The following COL3A1 variants were observed in gnomAD, a reference collection of about 807,000 sequenced individuals.
The protein encoded by COL3A1 is collagen alpha-1(III) chain.
Under a neutral mutation model 200.9 loss-of-function variants are expected in COL3A1, and 46 were observed. The ratio of observed to expected loss-of-function variants is 0.23; its 90% confidence interval spans 0.18 to 0.29. COL3A1 has a LOEUF of 0.29. COL3A1 is among the 10% of genes least tolerant of loss of function. COL3A1 has a pLI of 1.00. For synonymous variants in COL3A1, 650 were observed against 628.0 expected (o/e 1.03, Z -0.52); for missense variants, 1,367 against 1,917.6 (o/e 0.71, Z 5.36).
intron 27 of COL3A1, among the ~76,000 whole-genome samples, 161 bp downstream of exon 27, chr2:188,997,914 G>A (rs1373915825): frequency 2.6e-5 from 4 of 152,112 alleles, no homozygotes; most frequent in Non-Finnish European, 4.4e-5. Context: ...TTCCATGTCC[G>A]TTCCAGAGCA....
rs1688207602 is a variant in COL3A1, at chr2:188,992,362, G to A, written c.996+134G>A. 8.9e-6 allele frequency: 7 copies of A among 782,266 alleles called. No individual in the cohort carries two copies. The Admixed American group carries it at 1.1e-4, about 12-fold the overall frequency. The allele number at this position is 782,266 out of a possible 1,614,324, so 48.5% of individuals were successfully genotyped here. A position where few individuals can be genotyped will look rare whatever the true frequency, so the allele number is the denominator to read the frequency against. On this transcript the variant is annotated intron_variant, in intron 14 of 50. Transcript: ENST00000304636. Reference sequence around the variant, plus strand: ...ATGTATATCTCTAATATACACATTAGCATCTCTGTTGACCATTTTTACAAT... The same window carrying A: ...ATGTATATCTCTAATATACACATTAACATCTCTGTTGACCATTTTTACAAT...
At chr2:188,974,706 C>T (rs1687771407) in intron 1 of COL3A1, 138 bp downstream of exon 1, 2 of 709,392 alleles carry the variant, frequency 2.8e-6, no homozygotes, top group African/African-American at 1.8e-5. Context: ...AAACGTTGAA[C>T]TGACCATGGC....
At chr2:189,005,488 G>C in intron 41 of COL3A1, 31 bp downstream of exon 41, 2 of 1,565,802 alleles carry the variant, frequency 1.3e-6, no homozygotes, top group Non-Finnish European at 1.8e-6. Context: ...AACCAGCCAG[G>C]TAGAATTTGA....
rs926106259 is a variant in COL3A1, at chr2:188,995,713, G to C, written c.1531G>C (p.Ala511Pro). 1.3e-6 allele frequency: 2 copies of C among 1,559,490 alleles called. No homozygotes were observed. Among genetic ancestry groups the C allele is most frequent in the African/African-American group, 2.7e-5 (2 of 73,478 alleles). ...GEKGPAGERG[A>P]PGPAGPRGAA... ...TTAGGGTCCTGCTGGAGAGCGTGGTGCTCCAGGCCCTGCAGGGCCCAGAGG... is the reference window on the plus strand; with the variant it reads ...TTAGGGTCCTGCTGGAGAGCGTGGTCCTCCAGGCCCTGCAGGGCCCAGAGG... Residue 511 changes from alanine to proline, a missense_variant, in exon 22 of 51, where the codon GCT becomes CCT. This residue lies in a region of COL3A1 where 462 missense variants were observed against 681.4 expected (regional missense o/e 0.68). Transcript: ENST00000304636.
At chr2:188,993,964 C>A in intron 16 of COL3A1, 74 bp from the exon 17 acceptor site, 1 of 1,426,996 alleles carries the variant, frequency 7.0e-7, no homozygotes, top group Non-Finnish European at 9.8e-7. Flanking sequence ...CATTTATTTT[C>A]ACACAAACAA....
intron 10 of COL3A1, 73 bp from the exon 11 acceptor site, chr2:188,990,931 C>T: frequency 4.1e-6 from 6 of 1,465,882 alleles, no homozygotes; most frequent in Non-Finnish European, 9.6e-7. Flanking sequence ...AGAAAAATAC[C>T]ATGTAAACTT....
At chr2:189,006,911 T>C (rs781294124) in intron 43 of COL3A1, 26 bp from the exon 44 acceptor site, 4 of 1,612,852 alleles carry the variant, frequency 2.5e-6, no homozygotes, top group Non-Finnish European at 3.4e-6. Flanking sequence ...CGTGTATGTC[T>C]TCTCAATTGA....
rs773405136 is a variant in COL3A1, at chr2:189,011,820, T to G, written c.*46T>G. The G allele has an allele frequency of 5.0e-6, 8 of 1,604,594 alleles. No individual in the cohort carries two copies. Among genetic ancestry groups the G allele is most frequent in the South Asian group, 2.2e-5 (2 of 90,862 alleles). On this transcript the variant is annotated 3_prime_UTR_variant, in exon 51 of 51. Transcript: ENST00000304636. ...CCAACAAAAAAAATTTAACTCCATA[T>G]GTGTTCCTCTTGTTCTAATCTTGTC...
intron 36 of COL3A1, 112 bp downstream of exon 36, chr2:189,003,174 T>C: frequency 1.1e-6 from 1 of 931,274 alleles, no homozygotes; most frequent in Non-Finnish European, 1.7e-6. Context: ...GTCCTAAGTG[T>C]TCTAATGGAA....
chr2:189,004,300 G>C lies in COL3A1; in HGVS notation c.2867G>C (p.Arg956Pro). ...GGGATTGCTGGGATCACTGGAGCACGGGGTCTTGCAGGACCACCAGGCATG... is the reference window on the plus strand; with the variant it reads ...GGGATTGCTGGGATCACTGGAGCACCGGGTCTTGCAGGACCACCAGGCATG... The part of the protein sequence containing the change: ...PLGIAGITGA[R>P]GLAGPPGMPG... Residue 956 changes from arginine to proline, a missense_variant, in exon 40 of 51, where the codon CGG (arginine) becomes CCG (proline). By Grantham distance (103) the Arg-to-Pro change is moderately radical. Coordinates refer to ENST00000304636, the MANE Select transcript of COL3A1 (RefSeq NM_000090.4). The C allele has an allele frequency of 6.2e-7, 1 of 1,607,982 alleles. No individual in the cohort carries two copies. The highest frequency in any genetic ancestry group is 1.1e-5 in the South Asian group (1 of 89,114).
intron 13 of COL3A1, 87 bp downstream of exon 13, chr2:188,991,809 G>A: frequency 5.6e-6 from 8 of 1,421,502 alleles, no homozygotes; most frequent in Non-Finnish European, 8.0e-6. Context: ...GTAAAAATAT[G>A]TTAGGAAAAA....
chr2:189,007,098 T>TG (rs1309212795), intron 44 of COL3A1, 108 bp downstream of exon 44: 1 of 32,662 alleles, frequency 3.1e-5, no homozygotes, highest in South Asian at 1.1e-3. Context: ...AAAGAATGAA[T>TG]ATATATATAT....
intron 41 of COL3A1, 84 bp from the exon 42 acceptor site, chr2:189,006,122 A>G: frequency 1.4e-6 from 2 of 1,416,054 alleles, no homozygotes; most frequent in South Asian, 1.2e-5. Flanking sequence ...CTTGAGAATT[A>G]TATTGCCCTG....
intron 2 of COL3A1, 97 bp from the exon 3 acceptor site, chr2:188,985,100 C>T (rs887344014): frequency 9.8e-6 from 14 of 1,431,000 alleles, no homozygotes; most frequent in Non-Finnish European, 1.3e-5. Context: ...AAAAAGTGAC[C>T]GTTTCAATTT....
At position 188,978,756 on chromosome 2, in the gene COL3A1, CAAAAA is replaced by C. The variant is rs55694521; in HGVS notation, c.79+4204_79+4208del. Among the ~76,000 whole-genome samples the C allele has an allele frequency of 8.0e-5, 7 of 87,806 alleles. No homozygotes were observed. The East Asian group carries it at 9.8e-4, about 12-fold the overall frequency. The allele number at this position is 87,806 out of a possible 152,430, so 57.6% of individuals were successfully genotyped here. On this transcript the variant is annotated intron_variant, in intron 1 of 50. Coordinates refer to ENST00000304636, the MANE Select transcript of COL3A1 (RefSeq NM_000090.4). The stretch of plus-strand genomic sequence containing the variant: ...AGCTCAATCCCATTGTTTCCACACT[CAAAAA>C]AAAAAAAAAAAAAAAGATCATATAG...
chr2:189,011,618 T>A lies in COL3A1; in HGVS notation c.4255-10T>A. The A allele has an allele frequency of 4.3e-6, 7 of 1,613,802 alleles. No individual in the cohort carries two copies. Among genetic ancestry groups the A allele is most frequent in the Non-Finnish European group, 5.9e-6 (7 of 1,179,716 alleles). On this transcript the variant is annotated splice_polypyrimidine_tract_variant and intron_variant, in intron 50 of 50. Coordinates refer to ENST00000304636, the MANE Select transcript of COL3A1 (RefSeq NM_000090.4). ...TGTCATGATCATGTACATTTTGTCCTTTTTTACAGAAACACACTGGGGAAT... is the reference window on the plus strand; with the variant it reads ...TGTCATGATCATGTACATTTTGTCCATTTTTACAGAAACACACTGGGGAAT...
rs1204795813 is a variant in COL3A1 at position 188,997,685 on chromosome 2, A to C, written c.1870-15A>C. On this transcript the variant is annotated splice_polypyrimidine_tract_variant and intron_variant, in intron 26 of 50. Coordinates refer to ENST00000304636, the MANE Select transcript of COL3A1 (RefSeq NM_000090.4). ...AAGGATGTTTACAACAGAGTGTATC[A>C]TTATACTTTTCTAGGGGCCTGGTGG... 1 of 1,611,840 alleles carries C rather than the reference A, an allele frequency of 6.2e-7. No homozygotes were observed. Among genetic ancestry groups the C allele is most frequent in the East Asian group, 2.2e-5 (1 of 44,868 alleles).
At chr2:188,998,617 A>G (rs191488508) in intron 28 of COL3A1, 57 bp from the exon 29 acceptor site, 1 of 1,522,762 alleles carries the variant, frequency 6.6e-7, no homozygotes, top group Non-Finnish European at 9.1e-7. Flanking sequence ...ATATTTGCTT[A>G]TATTTACATA....
At chr2:188,987,355 T>TAA (rs200811296) in intron 5 of COL3A1, among the ~76,000 whole-genome samples, 20 of 144,120 alleles carry the variant, frequency 1.4e-4, no homozygotes, top group African/African-American at 4.5e-4. Flanking sequence ...AAATTTTTAC[T>TAA]AAAAAAAAAA....
Sources: gnomAD v4.1 joint callset for allele counts (sites outside exome capture counted in the v4.1 genomes callset) on GRCh38, gnomAD v4.1.1 for gene constraint, gnomAD v4.1.1 regional missense constraint, MANE v1.5 for transcripts, NCBI Gene and HGNC (gene_info 2026-07-23, HGNC 2026-07-21) for gene names.